PPP1R8: variants seen among roughly 807,000 people sequenced by gnomAD.
PPP1R8 encodes the protein nuclear inhibitor of protein phosphatase 1.
Under a neutral mutation model 31.3 loss-of-function variants are expected in PPP1R8, and 4 were observed. That is an observed-to-expected ratio of 0.13 (90% CI 0.06 to 0.29). The LOEUF (loss-of-function observed/expected upper bound fraction) is 0.29, where lower values mean the gene tolerates loss of function less well. Ranked by LOEUF, PPP1R8 falls within the 10% of genes least tolerant of loss-of-function variation. The probability of loss-of-function intolerance (pLI) is 1.00; values close to 1 mark genes in which losing one functional copy is unlikely to be tolerated. For missense variants in PPP1R8, 254 were observed against 440.1 expected (o/e 0.58, Z 3.78); for synonymous variants, 170 against 169.7 (o/e 1.00, Z -0.01).
intron 3 of PPP1R8, among the ~76,000 whole-genome samples, chr1:27,840,607 C>T (rs1200934913): frequency 1.3e-5 from 2 of 152,122 alleles, no homozygotes; most frequent in Admixed American, 6.5e-5. Context: ...CTTTGGGAGG[C>T]GTGGCTTCTG....
At chr1:27,841,332 C>A in intron 4 of PPP1R8, 98 bp downstream of exon 4, 2 of 1,309,020 alleles carry the variant, frequency 1.5e-6, no homozygotes, top group Non-Finnish European at 1.1e-6. Context: ...GACTTAGCAG[C>A]AGGGGGTTCT....
chr1:27,834,670 A>T (rs2089144743), intron 2 of PPP1R8: 3 of 403,012 alleles, frequency 7.4e-6, no homozygotes, highest in Non-Finnish European at 1.5e-5. Context: ...CACATTGTTC[A>T]ACATCTAACA....
In PPP1R8 at chr1:27,845,783, C is replaced by CTTTTTTTTTTTTTTTTT. The variant is rs773994854; in HGVS notation, c.638-1237_638-1221dup. 7.7e-4 allele frequency among the ~76,000 whole-genome samples: 71 copies of CTTTTTTTTTTTTTTTTT among 91,834 alleles called. 3 individuals are homozygous for CTTTTTTTTTTTTTTTTT. Among genetic ancestry groups the CTTTTTTTTTTTTTTTTT allele is most frequent in the African/African-American group, 2.1e-3 (42 of 19,990 alleles). The allele number at this position is 91,834 out of a possible 152,430, so 60.2% of individuals were successfully genotyped here. Reference sequence around the variant, plus strand: ...GGAGTTTTTCTTTCTTTCTTTCTTTCTTTTTTTTTTTTTTTTTTTTTTTTG... The same window carrying CTTTTTTTTTTTTTTTTT: ...GGAGTTTTTCTTTCTTTCTTTCTTTCTTTTTTTTTTTTTTTTTTTTTTTTTTTTTTTTTTTTTTTTTG... On this transcript the variant is annotated intron_variant, in intron 5 of 6. Transcript: ENST00000311772.
At chr1:27,841,387 G>A (rs189757267) in intron 4 of PPP1R8, among the ~76,000 whole-genome samples, 153 bp downstream of exon 4, 1 of 152,180 alleles carries the variant, frequency 6.6e-6, no homozygotes, top group Non-Finnish European at 1.5e-5. Context: ...GTGGCCAGCT[G>A]TGACAGCTCT....
chr1:27,839,754 A>G (rs927497051), intron 3 of PPP1R8, among the ~76,000 whole-genome samples: 1 of 151,762 alleles, frequency 6.6e-6, no homozygotes, highest in African/African-American at 2.4e-5. Flanking sequence ...TGTGAATAAT[A>G]CCAGTTTTAA....
At chr1:27,836,752 T>A (rs146094333) in intron 2 of PPP1R8, among the ~76,000 whole-genome samples, 1 of 152,088 alleles carries the variant, frequency 6.6e-6, no homozygotes, top group East Asian at 2.0e-4. Flanking sequence ...TTAGCTCAGG[T>A]CTAGCACGGT....
chr1:27,850,532 T>G lies in PPP1R8; in HGVS notation c.*86T>G, dbSNP rs566659160. ...GCTAATGAACTAGGGAGAAAAACTT[T>G]CCATGTGTGCGGTATCGTCTTTCAG... On this transcript the variant is annotated 3_prime_UTR_variant, in exon 7 of 7. Coordinates refer to ENST00000311772, the MANE Select transcript of PPP1R8 (RefSeq NM_014110.5). 7 of 1,205,356 alleles carry G rather than the reference T, an allele frequency of 5.8e-6. No individual in the cohort carries two copies. The highest frequency in any genetic ancestry group is 3.0e-5 in the South Asian group (2 of 65,634). The allele number at this position is 1,205,356 out of a possible 1,614,324, so 74.7% of individuals were successfully genotyped here. A position where few individuals can be genotyped will look rare whatever the true frequency, so the allele number is the denominator to read the frequency against.
intron 2 of PPP1R8, among the ~76,000 whole-genome samples, chr1:27,836,792 G>T (rs2089170826): frequency 6.6e-6 from 1 of 152,016 alleles, no homozygotes; most frequent in Non-Finnish European, 1.5e-5. Context: ...AGCACTTTGG[G>T]AGGTTGAGGC....
At chr1:27,850,016 A>T in intron 6 of PPP1R8, 77 bp from the exon 7 acceptor site, 1 of 1,366,692 alleles carries the variant, frequency 7.3e-7, no homozygotes, top group Non-Finnish European at 9.9e-7. Flanking sequence ...GCTGGAATAG[A>T]AAAAGCTAAC....
chr1:27,831,816 T>C (rs932597088), intron 1 of PPP1R8, among the ~76,000 whole-genome samples: 1 of 152,192 alleles, frequency 6.6e-6, no homozygotes, highest in Non-Finnish European at 1.5e-5. Flanking sequence ...GAGATGACTG[T>C]GTTGAATCTT....
chr1:27,847,331 AC>A (rs2089295154), intron 6 of PPP1R8, among the ~76,000 whole-genome samples: 1 of 152,058 alleles, frequency 6.6e-6, no homozygotes. Context: ...ACATGGTGAA[AC>A]CCTGTCTCTA....
chr1:27,831,243 TC>T (rs1015727508), intron 1 of PPP1R8: 48 of 1,033,742 alleles, frequency 4.6e-5, no homozygotes, highest in Admixed American at 1.0e-4. Context: ...TCTGGCCCCT[TC>T]CTGTACGTCC....
At chr1:27,833,131 C>T (rs778547042) in intron 2 of PPP1R8, among the ~76,000 whole-genome samples, 7 of 152,054 alleles carry the variant, frequency 4.6e-5, no homozygotes, top group East Asian at 3.9e-4. Context: ...TTGTGTAAAC[C>T]GTGCAAGGTA....
intron 3 of PPP1R8, among the ~76,000 whole-genome samples, 153 bp downstream of exon 3, chr1:27,839,005 G>C (rs1557427944): frequency 6.6e-6 from 1 of 152,138 alleles, no homozygotes; most frequent in African/African-American, 2.4e-5. Context: ...CTATTTTCCT[G>C]AGATAATTGC....
intron 2 of PPP1R8, among the ~76,000 whole-genome samples, chr1:27,834,922 G>A (rs2089147894): frequency 6.6e-6 from 1 of 152,160 alleles, no homozygotes; most frequent in Non-Finnish European, 1.5e-5. Flanking sequence ...GGAGGCTGAG[G>A]CAGGAGAATC....
At position 27,831,338 on chromosome 1, in the gene PPP1R8, C is replaced by G. The variant is rs1208377246; in HGVS notation, c.56+447C>G. ...TGGTTGCTGCATCCCTCGTGCGGCA[C>G]TTGTCTGTCTGCCACAGAGAATACG... On this transcript the variant is annotated intron_variant, in intron 1 of 6. Transcript: ENST00000311772. 3 of 991,438 alleles carry G rather than the reference C, an allele frequency of 3.0e-6. No individual in the cohort carries two copies. In the Admixed American group the frequency reaches 1.7e-4, roughly 57 times the overall value. 61.4% of individuals were successfully genotyped at this position (991,438 alleles called of 1,614,324 possible).
intron 2 of PPP1R8, among the ~76,000 whole-genome samples, chr1:27,837,047 A>T (rs1037220568): frequency 1.3e-5 from 2 of 152,154 alleles, no homozygotes; most frequent in Non-Finnish European, 2.9e-5. Context: ...TTGTTACCTT[A>T]TAGACATGCA....
chr1:27,842,337 C>T (rs1018942631), intron 4 of PPP1R8, among the ~76,000 whole-genome samples: 25 of 144,604 alleles, frequency 1.7e-4, no homozygotes, highest in African/African-American at 2.9e-4. Context: ...AGCGAAACTC[C>T]GTCTCAAAAA....
intron 1 of PPP1R8, 46 bp downstream of exon 1, chr1:27,830,937 G>A: frequency 6.7e-7 from 1 of 1,502,792 alleles, no homozygotes; most frequent in Non-Finnish European, 8.9e-7. Context: ...GCCGGAGCTA[G>A]CCTGGGCTGG....
Sources: gnomAD v4.1 joint callset for allele counts (sites outside exome capture counted in the v4.1 genomes callset) on GRCh38, gnomAD v4.1.1 for gene constraint, MANE v1.5 for transcripts, NCBI Gene and HGNC (gene_info 2026-07-23, HGNC 2026-07-21) for gene names.